VEPH1: variants seen among roughly 807,000 people sequenced by gnomAD.
The protein encoded by VEPH1 is ventricular zone-expressed PH domain-containing protein homolog 1.
Under a neutral mutation model 85.2 loss-of-function variants are expected in VEPH1, and 80 were observed. The observed-to-expected ratio is 0.94, with a 90% CI of 0.78 to 1.13. The LOEUF (loss-of-function observed/expected upper bound fraction) is 1.13, where lower values mean the gene tolerates loss of function less well. VEPH1 is among the 50% of genes most tolerant of loss of function. VEPH1 has a pLI of 0.00. For synonymous variants in VEPH1, 297 were observed against 348.0 expected (o/e 0.85, Z 1.63); for missense variants, 955 against 980.5 (o/e 0.97, Z 0.35).
intron 7 of VEPH1, among the ~76,000 whole-genome samples, chr3:157,371,098 C>T (rs908374669): frequency 6.6e-5 from 10 of 152,130 alleles, no homozygotes; most frequent in African/African-American, 2.4e-4. Context: ...AGGAGGTTTG[C>T]GCAAGTGTTA....
At chr3:157,437,726 G>A in intron 4 of VEPH1, 3 of 1,525,080 alleles carry the variant, frequency 2.0e-6, no homozygotes, top group East Asian at 2.5e-5. Flanking sequence ...AGGCTGACCA[G>A]TGCTCTGGAC....
chr3:157,471,961 T>C (rs1283258196), intron 2 of VEPH1, among the ~76,000 whole-genome samples: 1 of 152,150 alleles, frequency 6.6e-6, no homozygotes, highest in Non-Finnish European at 1.5e-5. Flanking sequence ...ATAAACATCG[T>C]ACAAAAATTC....
At chr3:157,472,851 CT>C (rs1234650745) in intron 2 of VEPH1, among the ~76,000 whole-genome samples, 10 of 151,978 alleles carry the variant, frequency 6.6e-5, no homozygotes, top group African/African-American at 2.2e-4. Flanking sequence ...TGATCTTGCT[CT>C]TTTTTACGGT....
At chr3:157,377,062 T>C (rs1308594285) in intron 7 of VEPH1, among the ~76,000 whole-genome samples, 1 of 152,138 alleles carries the variant, frequency 6.6e-6, no homozygotes, top group Non-Finnish European at 1.5e-5. Context: ...TTAGCAACCA[T>C]TCCAGAGAGG....
chr3:157,482,252 C>T (rs998421121), intron 2 of VEPH1, among the ~76,000 whole-genome samples: 9 of 151,982 alleles, frequency 5.9e-5, no homozygotes, highest in African/African-American at 2.2e-4. Context: ...AAGACAGAGT[C>T]TCACTCTGTC....
intron 6 of VEPH1, among the ~76,000 whole-genome samples, chr3:157,385,179 C>T (rs1729157655): frequency 6.7e-6 from 1 of 148,410 alleles, no homozygotes; most frequent in Non-Finnish European, 1.5e-5. Context: ...CCTGTTTCTA[C>T]ATCTAGACCC....
chr3:157,422,130 C>G (rs747207150), intron 5 of VEPH1, among the ~76,000 whole-genome samples: 1 of 152,142 alleles, frequency 6.6e-6, no homozygotes, highest in Non-Finnish European at 1.5e-5. Flanking sequence ...TGGAATTAGA[C>G]TGGGTTTGTG....
chr3:157,409,786 C>T, intron 6 of VEPH1: 12 of 985,318 alleles, frequency 1.2e-5, no homozygotes, highest in Non-Finnish European at 1.4e-5. Flanking sequence ...GAAGGTGAGG[C>T]ATAAGCCAAT....
At chr3:157,319,358 G>A (rs1050259267) in intron 9 of VEPH1, among the ~76,000 whole-genome samples, 22 of 152,128 alleles carry the variant, frequency 1.4e-4, no homozygotes, top group African/African-American at 5.1e-4. Context: ...AAGACCAGGA[G>A]GTCTGGCACT....
chr3:157,355,610 A>G (rs1017356367), intron 9 of VEPH1, among the ~76,000 whole-genome samples: 25 of 152,216 alleles, frequency 1.6e-4, no homozygotes, highest in Admixed American at 2.0e-4. Context: ...GTCCCTAGCC[A>G]TGTAAGGCAT....
intron 12 of VEPH1, among the ~76,000 whole-genome samples, chr3:157,284,426 T>C (rs1426483299): frequency 1.3e-5 from 2 of 152,072 alleles, no homozygotes; most frequent in South Asian, 4.1e-4. Context: ...AAATGAAAAA[T>C]TGGATGCAAG....
intron 4 of VEPH1, among the ~76,000 whole-genome samples, chr3:157,432,891 T>C (rs1304975922): frequency 6.6e-6 from 1 of 152,188 alleles, no homozygotes; most frequent in Admixed American, 6.5e-5. Flanking sequence ...AATTTATCTT[T>C]CTGTCTATGT....
At chr3:157,457,948 C>T (rs928897178) in intron 4 of VEPH1, among the ~76,000 whole-genome samples, 15 of 152,112 alleles carry the variant, frequency 9.9e-5, no homozygotes, top group African/African-American at 3.6e-4. Context: ...GGTACCAGCT[C>T]TTCTTTGTAT....
Position 157,495,323 on chromosome 3 carries a change from C to A in VEPH1, c.27G>T (p.Leu9Phe). Reference sequence around the variant, plus strand: ...CAGCTCGTGAAAGATCTTTTTGTCCCAAAACCAGTCTGAACAGTTGATGCA... The same window carrying A: ...CAGCTCGTGAAAGATCTTTTTGTCCAAAAACCAGTCTGAACAGTTGATGCA... MHQLFRLV[L>F]GQKDLSRAGD... Residue 9 changes from leucine to phenylalanine, a missense_variant, in exon 2 of 14, where the codon TTG becomes TTT. Transcript: ENST00000362010. The A allele has an allele frequency of 6.2e-7, 1 of 1,613,976 alleles. No individual in the cohort carries two copies. Among genetic ancestry groups the A allele is most frequent in the Non-Finnish European group, 8.5e-7 (1 of 1,179,896 alleles).
chr3:157,449,219 T>C (rs1380691880), intron 4 of VEPH1, among the ~76,000 whole-genome samples: 1 of 152,242 alleles, frequency 6.6e-6, no homozygotes, highest in East Asian at 1.9e-4. Flanking sequence ...CCCTAATAAG[T>C]ATAATTTTAG....
chr3:157,497,063 A>G (rs917964373), intron 1 of VEPH1, among the ~76,000 whole-genome samples: 10 of 152,176 alleles, frequency 6.6e-5, no homozygotes, highest in African/African-American at 1.7e-4. Context: ...ATGCAGCTAC[A>G]AAACTGGAGA....
intron 4 of VEPH1, chr3:157,436,944 T>C (rs1413624093): frequency 1.9e-6 from 3 of 1,613,766 alleles, no homozygotes; most frequent in Non-Finnish European, 2.5e-6. Context: ...ATGCATCTCC[T>C]TGCGATTCTG....
At chr3:157,470,716 C>T (rs1345735556) in intron 2 of VEPH1, among the ~76,000 whole-genome samples, 187 bp from the exon 3 acceptor site, 1 of 152,106 alleles carries the variant, frequency 6.6e-6, no homozygotes, top group African/African-American at 2.4e-5. Flanking sequence ...GAGGCAGATA[C>T]ACAAACATGC....
At chr3:157,377,325 TA>T (rs78218468) in intron 7 of VEPH1, among the ~76,000 whole-genome samples, 1,486 of 128,944 alleles carry the variant, frequency 0.012, 9 homozygotes, top group African/African-American at 0.028. Flanking sequence ...AGAAAAATAC[TA>T]AAAAAAAAAA....
Sources: gnomAD v4.1 joint callset for allele counts (sites outside exome capture counted in the v4.1 genomes callset) on GRCh38, gnomAD v4.1.1 for gene constraint, MANE v1.5 for transcripts, NCBI Gene and HGNC (gene_info 2026-07-23, HGNC 2026-07-21) for gene names.